RBMS1: variants seen among roughly 807,000 people sequenced by gnomAD.
RBMS1 encodes RNA binding motif single stranded interacting protein 1.
In RBMS1, 17 loss-of-function variants were observed where a neutral mutation model predicts 62.3. The observed-to-expected ratio is 0.27, with a 90% CI of 0.19 to 0.41. The LOEUF (loss-of-function observed/expected upper bound fraction) is 0.41. Ranked by LOEUF, RBMS1 falls within the 10% of genes least tolerant of loss-of-function variation. The pLI is 1.00. For missense variants in RBMS1, 334 were observed against 504.5 expected (o/e 0.66, Z 3.24); for synonymous variants, 172 against 170.0 (o/e 1.01, Z -0.09).
Position 160,493,725 on chromosome 2 carries a change from A to C in RBMS1, c.-362T>G. On this transcript the variant is annotated 5_prime_UTR_variant, in exon 1 of 14. Coordinates refer to ENST00000348849, the MANE Select transcript of RBMS1 (RefSeq NM_016836.4). ...GCGCTGGCCGCGGTCCGCTCGGGCGAGCCGGCTGCGCGGGGCTGAGAGGTG... is the reference window on the plus strand; with the variant it reads ...GCGCTGGCCGCGGTCCGCTCGGGCGCGCCGGCTGCGCGGGGCTGAGAGGTG... The C allele has an allele frequency of 5.7e-6, 2 of 349,032 alleles. No individual in the cohort carries two copies. The highest frequency in any genetic ancestry group is 1.1e-5 in the Non-Finnish European group (2 of 187,208). 21.6% of individuals were successfully genotyped at this position (349,032 alleles called of 1,614,324 possible).
intron 1 of RBMS1, among the ~76,000 whole-genome samples, chr2:160,397,973 CTT>C (rs1205327652): frequency 6.6e-6 from 1 of 152,336 alleles, no homozygotes; most frequent in East Asian, 1.9e-4. Flanking sequence ...TGTCCCATCT[CTT>C]GTCTTGACAC....
chr2:160,426,855 A>G (rs79885165), intron 1 of RBMS1, among the ~76,000 whole-genome samples: 4 of 83,486 alleles, frequency 4.8e-5, no homozygotes, highest in Admixed American at 1.2e-4. Context: ...GGAGCATGTC[A>G]GGGGGAAAAG....
intron 1 of RBMS1, among the ~76,000 whole-genome samples, chr2:160,472,372 C>A (rs778920934): frequency 3.3e-5 from 5 of 151,842 alleles, no homozygotes; most frequent in Admixed American, 6.6e-5. Flanking sequence ...CTATTTTCCT[C>A]AAAAAAAATT....
chr2:160,357,984 A>C (rs1281986316), intron 2 of RBMS1, among the ~76,000 whole-genome samples: 1 of 152,172 alleles, frequency 6.6e-6, no homozygotes, highest in Non-Finnish European at 1.5e-5. Context: ...TGGTATGTCA[A>C]AGAAGTACTG....
chr2:160,381,839 T>C (rs1694300219), intron 1 of RBMS1, among the ~76,000 whole-genome samples: 3 of 152,258 alleles, frequency 2.0e-5, no homozygotes, highest in Admixed American at 1.3e-4. Context: ...ACGGCCTTCC[T>C]TCCTTCCTCT....
intron 2 of RBMS1, among the ~76,000 whole-genome samples, chr2:160,355,176 AG>A (rs1486701599): frequency 6.6e-6 from 1 of 152,164 alleles, no homozygotes; most frequent in Non-Finnish European, 1.5e-5. Context: ...CTGACCATAC[AG>A]GCTATCTCGA....
intron 7 of RBMS1, among the ~76,000 whole-genome samples, chr2:160,286,136 A>G (rs968574167): frequency 6.6e-6 from 1 of 151,434 alleles, no homozygotes; most frequent in African/African-American, 2.4e-5. Context: ...ATAAAAAAAT[A>G]AAAATTTTTA....
At chr2:160,489,965 C>T (rs1685754492) in intron 1 of RBMS1, among the ~76,000 whole-genome samples, 2 of 152,084 alleles carry the variant, frequency 1.3e-5, no homozygotes, top group Non-Finnish European at 2.9e-5. Flanking sequence ...TATTTACATA[C>T]ATGCACTGGC....
intron 1 of RBMS1, among the ~76,000 whole-genome samples, chr2:160,374,931 G>A (rs760619478): frequency 2.6e-5 from 4 of 151,796 alleles, no homozygotes; most frequent in South Asian, 2.1e-4. Context: ...ACTACATCTC[G>A]GGCGGGGGAC....
At chr2:160,366,295 C>T (rs1189585396) in intron 2 of RBMS1, among the ~76,000 whole-genome samples, 1 of 151,936 alleles carries the variant, frequency 6.6e-6, no homozygotes, top group Non-Finnish European at 1.5e-5. Context: ...TGGATTTTGA[C>T]CAGGAAAAGA....
intron 1 of RBMS1, among the ~76,000 whole-genome samples, chr2:160,426,045 G>C (rs1682545126): frequency 6.6e-6 from 1 of 151,940 alleles, no homozygotes; most frequent in African/African-American, 2.4e-5. Context: ...AGCACCACCT[G>C]CTCATTTAAG....
intron 1 of RBMS1, among the ~76,000 whole-genome samples, chr2:160,449,105 C>T (rs199607940): frequency 6.6e-6 from 1 of 151,918 alleles, no homozygotes; most frequent in African/African-American, 2.4e-5. Flanking sequence ...CGGCAGCCGC[C>T]CCGTCTGGGA....
At chr2:160,490,037 A>G (rs1229839498) in intron 1 of RBMS1, among the ~76,000 whole-genome samples, 3 of 152,154 alleles carry the variant, frequency 2.0e-5, no homozygotes, top group Non-Finnish European at 4.4e-5. Flanking sequence ...TGCTTTTACA[A>G]TAAGTGAAAT....
At chr2:160,336,338 C>T (rs553904076) in intron 2 of RBMS1, among the ~76,000 whole-genome samples, 2 of 152,182 alleles carry the variant, frequency 1.3e-5, no homozygotes, top group South Asian at 4.2e-4. Context: ...GCAGAATAGC[C>T]ACAGAGTGGA....
chr2:160,287,232 A>G, intron 6 of RBMS1, 148 bp from the exon 7 acceptor site: 1 of 958,396 alleles, frequency 1.0e-6, no homozygotes, highest in Non-Finnish European at 1.5e-6. Flanking sequence ...GACCTTTGTA[A>G]AACTGTCCAC....
chr2:160,468,940 T>C (rs946914935), intron 1 of RBMS1, among the ~76,000 whole-genome samples: 1 of 152,190 alleles, frequency 6.6e-6, no homozygotes, highest in Non-Finnish European at 1.5e-5. Context: ...TATATATACA[T>C]ATGCCAAAAC....
intron 10 of RBMS1, among the ~76,000 whole-genome samples, chr2:160,280,374 A>G (rs1439464317): frequency 6.6e-6 from 1 of 152,168 alleles, no homozygotes; most frequent in Non-Finnish European, 1.5e-5. Flanking sequence ...TCACCTAAAC[A>G]TGTTTTATCT....
chr2:160,440,041 C>T (rs1010112532), intron 1 of RBMS1, among the ~76,000 whole-genome samples: 2 of 120,508 alleles, frequency 1.7e-5, no homozygotes, highest in African/African-American at 3.1e-5. Flanking sequence ...AGAGGGAGAC[C>T]GTGGAAAGAG....
rs979329006 is a variant in RBMS1 at position 160,456,018 on chromosome 2, T to C, written c.75+37271A>G. Reference sequence around the variant, plus strand: ...CTTTTTATGGGCAGTGATTTATCCATGATAAAAGCAATATTTGGAAAATCA... The same window carrying C: ...CTTTTTATGGGCAGTGATTTATCCACGATAAAAGCAATATTTGGAAAATCA... On this transcript the variant is annotated intron_variant, in intron 1 of 13. Transcript: ENST00000348849. Among the ~76,000 whole-genome samples the C allele has an allele frequency of 4.6e-5, 7 of 152,186 alleles. No individual in the cohort carries two copies. In the East Asian group the frequency reaches 1.4e-3, roughly 29 times the overall value.
Sources: allele counts gnomAD v4.1 joint callset (sites outside exome capture counted in the v4.1 genomes callset), GRCh38; gene constraint gnomAD v4.1.1; transcripts MANE v1.5; gene names NCBI Gene and HGNC (gene_info 2026-07-23, HGNC 2026-07-21).